GLDC: variants seen among roughly 807,000 people sequenced by gnomAD.
The protein encoded by GLDC is glycine decarboxylase.
GLDC carries 104 observed loss-of-function variants against 121.3 expected under a neutral mutation model. The ratio of observed to expected loss-of-function variants is 0.86; its 90% CI spans 0.73 to 1.01. The LOEUF is 1.01. GLDC is among the 50% of genes least tolerant of loss of function. The pLI is 0.00. For synonymous variants in GLDC, 546 were observed against 480.6 expected, an observed-to-expected ratio of 1.14 and a Z score of -1.78; for missense variants, 1,429 against 1,306.6, an observed-to-expected ratio of 1.09 and a Z score of -1.44.
intron 2 of GLDC, among the ~76,000 whole-genome samples, chr9:6,626,594 C>G (rs760617142): frequency 2.6e-5 from 4 of 152,102 alleles, no homozygotes; most frequent in Non-Finnish European, 4.4e-5. Flanking sequence ...GTGTTTCATT[C>G]AAATGTGAAA....
intron 8 of GLDC, 66 bp downstream of exon 8, chr9:6,602,043 A>G (rs1180325712): frequency 1.0e-6 from 1 of 958,590 alleles, no homozygotes; most frequent in East Asian, 2.4e-5. Flanking sequence ...AAATGAATGA[A>G]TGAATGAGTA....
rs532009973 is a variant in GLDC at position 6,554,593 on chromosome 9, G to T, written c.2315+76C>A. 1.1e-4 allele frequency: 104 copies of T among 988,536 alleles called. No homozygotes were observed. In the South Asian group the frequency reaches 1.3e-3, roughly 12 times the overall value. The allele number at this position is 988,536 out of a possible 1,614,324, so 61.2% of individuals were successfully genotyped here. On this transcript the variant is annotated intron_variant, in intron 19 of 24. Coordinates refer to ENST00000321612, the MANE Select transcript of GLDC (RefSeq NM_000170.3). ...TCCTCAACACATGAAGACTTTGATG[G>T]GATGAGTAGTCTATTTAGGGCCACT...
intron 16 of GLDC, 127 bp from the exon 17 acceptor site, chr9:6,558,811 T>C: frequency 1.0e-6 from 1 of 987,852 alleles, no homozygotes; most frequent in South Asian, 1.3e-5. Flanking sequence ...GGCTGAACAC[T>C]AGTGCTTTAA....
At chr9:6,603,729 TTTTTTTC>T (rs1393072815) in intron 7 of GLDC, among the ~76,000 whole-genome samples, 32 of 143,832 alleles carry the variant, frequency 2.2e-4, no homozygotes, top group African/African-American at 9.3e-4. Context: ...TTTTTTTCCT[TTTTTTTC>T]TTTTTTTTTT....
rs374637498 is a variant in GLDC at position 6,612,995 on chromosome 9, G to A, written c.471-2639C>T. On this transcript the variant is annotated intron_variant, in intron 3 of 24. Transcript: ENST00000321612. ...AAAATAAATACATAAAATACAAAAC[G>A]TTCTCGTTTTTATAAGTTTGTAAAA... Among the ~76,000 whole-genome samples, 93 of 152,154 alleles carry A rather than the reference G, an allele frequency of 6.1e-4. 2 individuals carry two copies. Among genetic ancestry groups the A allele is most frequent in the African/African-American group, 2.0e-3 (83 of 41,510 alleles).
chr9:6,638,169 T>C (rs1266475676), intron 2 of GLDC, among the ~76,000 whole-genome samples: 1 of 152,094 alleles, frequency 6.6e-6, no homozygotes, highest in Non-Finnish European at 1.5e-5. Flanking sequence ...ATTTCCTTTT[T>C]CTCAGTGAAG....
Position 6,556,110 on chromosome 9 carries a change from A to G in GLDC, c.2202+43T>C, listed in dbSNP as rs749860930. ...AATTTTTTTTTTTTTCCACATATCC[A>G]TTTTCTCAGTGGGAACTAAGGGCGG... On this transcript the variant is annotated intron_variant, in intron 18 of 24. Transcript: ENST00000321612. 10 of 1,558,144 alleles carry G rather than the reference A, an allele frequency of 6.4e-6. No individual in the cohort carries two copies. The East Asian group carries it at 1.8e-4, about 28-fold the overall frequency.
intron 12 of GLDC, 62 bp downstream of exon 12, chr9:6,589,133 T>C: frequency 1.0e-6 from 1 of 1,002,528 alleles, no homozygotes; most frequent in African/African-American, 1.6e-5. Flanking sequence ...AGCAGCACTC[T>C]GCCTAACTCC....
At chr9:6,609,522 G>A (rs1183676840) in intron 4 of GLDC, among the ~76,000 whole-genome samples, 1 of 151,962 alleles carries the variant, frequency 6.6e-6, no homozygotes, top group Non-Finnish European at 1.5e-5. Flanking sequence ...TGCTGCCAAG[G>A]TTTGGAACAA....
Position 6,579,037 on chromosome 9 carries a change from T to C in GLDC, c.1850+8104A>G, listed in dbSNP as rs138784583. On this transcript the variant is annotated intron_variant, in intron 15 of 24. Coordinates refer to ENST00000321612, the MANE Select transcript of GLDC (RefSeq NM_000170.3). ...TGTTAAGAAATCATTTATTTCTCTATGTTTTTAAATTTGTTGACACAGGGT... is the reference window on the plus strand; with the variant it reads ...TGTTAAGAAATCATTTATTTCTCTACGTTTTTAAATTTGTTGACACAGGGT... Among the ~76,000 whole-genome samples, 15 of 152,354 alleles carry C rather than the reference T, an allele frequency of 9.8e-5. No individual in the cohort carries two copies. In the East Asian group the frequency reaches 2.9e-3, roughly 29 times the overall value.
chr9:6,629,949 A>T (rs1348945394), intron 2 of GLDC, among the ~76,000 whole-genome samples: 5 of 81,112 alleles, frequency 6.2e-5, no homozygotes, highest in African/African-American at 4.1e-4. Flanking sequence ...ATATATGTAT[A>T]TATATATATT....
chr9:6,611,169 G>A (rs142845271), intron 3 of GLDC, among the ~76,000 whole-genome samples: 1 of 152,194 alleles, frequency 6.6e-6, no homozygotes, highest in Non-Finnish European at 1.5e-5. Flanking sequence ...TTCCAGGATG[G>A]AAATGTTTAG....
chr9:6,556,085 A>AT, intron 18 of GLDC, 68 bp downstream of exon 18: 1 of 1,368,572 alleles, frequency 7.3e-7, no homozygotes, highest in Non-Finnish European at 1.0e-6. Flanking sequence ...AAGAAGTCAG[A>AT]ATTTTTTTTT....
Position 6,614,391 on chromosome 9 carries a change from C to A in GLDC, c.471-4035G>T, listed in dbSNP as rs541605444. On this transcript the variant is annotated intron_variant, in intron 3 of 24. Transcript: ENST00000321612. ...CTGGGACTACAGGCATGCACCACCA[C>A]GCCCAGCTAATTTTTATATTTTTTT... is the stretch of plus-strand genomic sequence containing the variant. Among the ~76,000 whole-genome samples, 3 of 151,450 alleles carry A rather than the reference C, an allele frequency of 2.0e-5. No homozygotes were observed. The East Asian group carries it at 5.9e-4, about 30-fold the overall frequency.
intron 21 of GLDC, among the ~76,000 whole-genome samples, chr9:6,543,401 C>G (rs1054899623): frequency 1.3e-5 from 2 of 152,070 alleles, no homozygotes; most frequent in African/African-American, 4.8e-5. Context: ...GGAGGAGGCA[C>G]TCTTGCTGGC....
chr9:6,569,090 A>G (rs1252103297), intron 15 of GLDC: 3 of 152,158 alleles, frequency 2.0e-5, no homozygotes, highest in Non-Finnish European at 4.4e-5. Flanking sequence ...ATTCAACAGT[A>G]TTGTGATGAC....
At chr9:6,568,770 A>C (rs912233193) in intron 15 of GLDC, 2 of 152,174 alleles carry the variant, frequency 1.3e-5, no homozygotes, top group Admixed American at 1.3e-4. Context: ...AATCACTTGA[A>C]CCTGGGAGGT....
chr9:6,608,758 A>T (rs554758511), intron 4 of GLDC, among the ~76,000 whole-genome samples: 119 of 151,880 alleles, frequency 7.8e-4, no homozygotes, highest in South Asian at 1.9e-3. Flanking sequence ...ATAAATAAAT[A>T]AATTAATAAA....
intron 3 of GLDC, among the ~76,000 whole-genome samples, chr9:6,616,140 T>C (rs1311332689): frequency 6.6e-6 from 1 of 152,238 alleles, no homozygotes; most frequent in Non-Finnish European, 1.5e-5. Flanking sequence ...CTTGAAAAGT[T>C]GGAGTTTTTT....
Sources: gnomAD v4.1 joint callset for allele counts (sites outside exome capture counted in the v4.1 genomes callset) on GRCh38, gnomAD v4.1.1 for gene constraint, MANE v1.5 for transcripts, NCBI Gene and HGNC (gene_info 2026-07-23, HGNC 2026-07-21) for gene names.